The following ANKRD28 variants were observed in gnomAD, a reference collection of about 807,000 sequenced individuals.
ANKRD28 encodes serine/threonine-protein phosphatase 6 regulatory ankyrin repeat subunit A.
Under a neutral mutation model 126.5 loss-of-function variants are expected in ANKRD28, and 44 were observed. The ratio of observed to expected loss-of-function variants is 0.35; its 90% CI spans 0.27 to 0.45. The LOEUF is 0.45. Ranked by LOEUF, ANKRD28 falls within the 20% of genes least tolerant of loss-of-function variation. The pLI is 1.00. For synonymous variants in ANKRD28, 442 were observed against 468.5 expected (o/e 0.94, Z 0.73); for missense variants, 1,110 against 1,316.6 (o/e 0.84, Z 2.43).
rs759629818 is a variant in ANKRD28 at position 15,724,536 on chromosome 3, T to A, written c.641-12A>T. ...TACTTCAATGTGACCTAAAAATGTG[T>A]TTTTGAAGAAAAAAATAGAGATGAG... On this transcript the variant is annotated splice_polypyrimidine_tract_variant and intron_variant, in intron 6 of 27. Transcript: ENST00000683139. 22 of 1,554,346 alleles carry A rather than the reference T, an allele frequency of 1.4e-5. No individual in the cohort carries two copies. In the East Asian group the frequency reaches 4.9e-4, roughly 35 times the overall value.
chr3:15,805,592 C>T (rs2060560089), intron 1 of ANKRD28, among the ~76,000 whole-genome samples: 1 of 151,910 alleles, frequency 6.6e-6, no homozygotes, highest in African/African-American at 2.4e-5. Flanking sequence ...ACAATTTAGC[C>T]CTCATATTAA....
At chr3:15,766,344 T>C in intron 2 of ANKRD28, 32 bp from the exon 3 acceptor site, 2 of 1,513,078 alleles carry the variant, frequency 1.3e-6, no homozygotes, top group Non-Finnish European at 1.8e-6. Flanking sequence ...GGAAATAAGT[T>C]TTAAAATAAG....
chr3:15,671,419 A>G (rs1329289721), intron 27 of ANKRD28, among the ~76,000 whole-genome samples: 3 of 152,124 alleles, frequency 2.0e-5, no homozygotes, highest in African/African-American at 4.8e-5. Flanking sequence ...TTGTATAACC[A>G]CCATACAGAT....
In ANKRD28 at chr3:15,825,052, G is replaced by T. The variant is rs73149442; in HGVS notation, c.28-29746C>A. ...GGGGGAGAAAATCAAGAATAGATTT[G>T]ATATGCTTGGCTTATCTGTTGTAAA... On this transcript the variant is annotated intron_variant, in intron 1 of 27. Coordinates refer to the ANKRD28 transcript ENST00000399451. Among the ~76,000 whole-genome samples, 620 of 152,312 alleles carry T rather than the reference G, an allele frequency of 4.1e-3. 8 individuals carry two copies. Among genetic ancestry groups the T allele is most frequent in the African/African-American group, 0.013 (551 of 41,570 alleles).
At chr3:15,760,012 C>A (rs1452333442) in intron 3 of ANKRD28, among the ~76,000 whole-genome samples, 2 of 152,008 alleles carry the variant, frequency 1.3e-5, no homozygotes, top group Non-Finnish European at 2.9e-5. Flanking sequence ...AATTTTTTAC[C>A]CAGCTGGAGA....
chr3:15,729,040 G>C (rs1053477018), intron 6 of ANKRD28, among the ~76,000 whole-genome samples: 9 of 152,144 alleles, frequency 5.9e-5, no homozygotes, highest in Admixed American at 2.6e-4. Flanking sequence ...CACTGTGCCA[G>C]AAAGGGAAAC....
intron 1 of ANKRD28, among the ~76,000 whole-genome samples, chr3:15,847,857 C>T (rs1036956828): frequency 5.3e-5 from 8 of 152,198 alleles, no homozygotes; most frequent in African/African-American, 1.7e-4. Flanking sequence ...AAATCCTGCA[C>T]CGATTCCCTG....
At chr3:15,835,385 C>T (rs926393162) in intron 1 of ANKRD28, among the ~76,000 whole-genome samples, 16 of 152,246 alleles carry the variant, frequency 1.1e-4, no homozygotes, top group Middle Eastern at 6.8e-3. Flanking sequence ...AAGAAAACAG[C>T]TATTTGGATA....
At position 15,784,481 on chromosome 3, in the gene ANKRD28, T is replaced by C. The variant is rs568948889; in HGVS notation, c.201+10742A>G. ...GTCCATTAGATTAATATGCATATTG[T>C]AGACTGTAAGACATTTACTTAAAAA... On this transcript the variant is annotated intron_variant, in intron 2 of 27. Coordinates refer to ENST00000683139, the MANE Select transcript of ANKRD28 (RefSeq NM_001349278.2). 4.0e-4 allele frequency among the ~76,000 whole-genome samples: 60 copies of C among 150,586 alleles called. 1 individual carries two copies. The highest frequency in any genetic ancestry group is 3.6e-3 in the Admixed American group (55 of 15,076).
In ANKRD28 at chr3:15,796,286, T is replaced by C. The variant is rs573196004; in HGVS notation, c.117+119A>G. ...AAATACTGCATCATATCTACACACGTATTGCTTTAATTTGGGTTTGTAAAG... is the reference window on the plus strand; with the variant it reads ...AAATACTGCATCATATCTACACACGCATTGCTTTAATTTGGGTTTGTAAAG... On this transcript the variant is annotated intron_variant, in intron 1 of 27. Transcript: ENST00000683139. 120 of 481,988 alleles carry C rather than the reference T, an allele frequency of 2.5e-4. No individual in the cohort carries two copies. In the Middle Eastern group the frequency reaches 2.5e-3, roughly 10 times the overall value. 29.9% of individuals were successfully genotyped at this position (481,988 alleles called of 1,614,324 possible).
chr3:15,708,473 G>A (rs747269801), intron 13 of ANKRD28, among the ~76,000 whole-genome samples: 19 of 151,784 alleles, frequency 1.3e-4, no homozygotes, highest in Non-Finnish European at 2.5e-4. Flanking sequence ...AGAACAAAAG[G>A]TAAGAGAAAA....
chr3:15,770,840 G>T (rs2058962907), intron 2 of ANKRD28, among the ~76,000 whole-genome samples: 1 of 152,222 alleles, frequency 6.6e-6, no homozygotes, highest in Non-Finnish European at 1.5e-5. Flanking sequence ...AGTAGGGGAA[G>T]ATTAACATGG....
intron 27 of ANKRD28, 43 bp downstream of exon 27, chr3:15,675,850 AAAGAT>A: frequency 7.0e-7 from 1 of 1,431,964 alleles, no homozygotes; most frequent in Non-Finnish European, 9.5e-7. Context: ...ATATGGATCA[AAAGAT>A]AAAAGCTCTA....
chr3:15,744,117 T>C (rs1368935877), intron 4 of ANKRD28, among the ~76,000 whole-genome samples: 1 of 152,248 alleles, frequency 6.6e-6, no homozygotes, highest in East Asian at 1.9e-4. Flanking sequence ...TAAGTAACGA[T>C]GGTGTAAGTG....
intron 4 of ANKRD28, among the ~76,000 whole-genome samples, chr3:15,738,171 T>G (rs1427101516): frequency 1.3e-5 from 2 of 152,192 alleles, no homozygotes; most frequent in African/African-American, 4.8e-5. Context: ...TCGGGGAACC[T>G]GCCCCCAATA....
chr3:15,711,757 G>T (rs2072315022), intron 11 of ANKRD28, among the ~76,000 whole-genome samples: 1 of 152,036 alleles, frequency 6.6e-6, no homozygotes, highest in Admixed American at 6.6e-5. Context: ...CACAATCTCG[G>T]CTTACTGCAA....
chr3:15,790,540 T>C (rs1382597878), intron 2 of ANKRD28, among the ~76,000 whole-genome samples: 1 of 151,992 alleles, frequency 6.6e-6, no homozygotes, highest in Non-Finnish European at 1.5e-5. Flanking sequence ...AGAATAACCA[T>C]ATGATCATTT....
intron 14 of ANKRD28, among the ~76,000 whole-genome samples, chr3:15,699,882 T>C (rs4465929): frequency 0.47 from 71,416 of 152,070 alleles, 19,686 homozygotes; most frequent in Non-Finnish European, 0.6. Context: ...ATCCCATTAC[T>C]GGGTATATAC....
At chr3:15,813,338 A>G (rs2060763591) in intron 1 of ANKRD28, among the ~76,000 whole-genome samples, 1 of 152,200 alleles carries the variant, frequency 6.6e-6, no homozygotes, top group South Asian at 2.1e-4. Flanking sequence ...GCTGCACTCC[A>G]GTCTGGGCAA....
Sources: allele counts gnomAD v4.1 joint callset (sites outside exome capture counted in the v4.1 genomes callset), GRCh38; gene constraint gnomAD v4.1.1; transcripts MANE v1.5; gene names NCBI Gene and HGNC (gene_info 2026-07-23, HGNC 2026-07-21).